Variants in DLC1 observed in about 807,000 individuals in gnomAD.
The protein encoded by DLC1 is rho GTPase-activating protein 7.
Under a neutral mutation model 140.3 loss-of-function variants are expected in DLC1, and 54 were observed. The ratio of observed to expected loss-of-function variants is 0.38; its 90% CI spans 0.31 to 0.48. The LOEUF (loss-of-function observed/expected upper bound fraction) is 0.48, where lower values mean the gene tolerates loss of function less well. Among genes scored for constraint, DLC1 ranks in the 20% least tolerant of loss-of-function variants. The pLI, the probability that DLC1 is intolerant of heterozygous loss-of-function variation, is 0.96. For synonymous variants in DLC1, 986 were observed against 728.1 expected (o/e 1.35, Z -5.70); for missense variants, 2,536 against 1,907.0 (o/e 1.33, Z -6.14).
At chr8:13,582,319 C>G (rs1049332598) in intron 1 of DLC1, among the ~76,000 whole-genome samples, 1 of 152,136 alleles carries the variant, frequency 6.6e-6, no homozygotes, top group Non-Finnish European at 1.5e-5. Context: ...ATGGTTAATA[C>G]TAAATGTCAA....
chr8:13,231,299 T>A (rs2117200423), intron 5 of DLC1, among the ~76,000 whole-genome samples: 1 of 152,304 alleles, frequency 6.6e-6, no homozygotes, highest in East Asian at 1.9e-4. Context: ...AATGTTTTCA[T>A]GTGTCACCAA....
chr8:13,129,450 T>C (rs1440656506), intron 5 of DLC1, among the ~76,000 whole-genome samples: 3 of 152,256 alleles, frequency 2.0e-5, no homozygotes, highest in East Asian at 1.9e-4. Context: ...ACGTATTTTT[T>C]AGTGTCTTGA....
chr8:13,349,935 C>T (rs750139907), intron 4 of DLC1, among the ~76,000 whole-genome samples: 2 of 152,188 alleles, frequency 1.3e-5, no homozygotes, highest in Admixed American at 6.5e-5. Flanking sequence ...CTCTCTTTTT[C>T]CTCCGACTTC....
At chr8:13,286,287 C>T (rs775913903) in intron 5 of DLC1, among the ~76,000 whole-genome samples, 2 of 151,804 alleles carry the variant, frequency 1.3e-5, no homozygotes, top group Non-Finnish European at 2.9e-5. Flanking sequence ...TTTTCTACCA[C>T]CAGAGAAAAA....
intron 2 of DLC1, among the ~76,000 whole-genome samples, chr8:13,447,722 T>G (rs1014308319): frequency 1.3e-5 from 2 of 152,206 alleles, no homozygotes; most frequent in African/African-American, 4.8e-5. Context: ...AAAACATTTT[T>G]CTAATATTTG....
At chr8:13,512,998 C>A (rs1802445958) in intron 1 of DLC1, among the ~76,000 whole-genome samples, 1 of 142,690 alleles carries the variant, frequency 7.0e-6, no homozygotes. Context: ...ATTAGAGGAA[C>A]TGCAAATTTC....
At chr8:13,104,377 T>C (rs998924212) in intron 7 of DLC1, among the ~76,000 whole-genome samples, 5 of 148,008 alleles carry the variant, frequency 3.4e-5, no homozygotes, top group South Asian at 2.1e-4. Flanking sequence ...CAAAACCTCA[T>C]GGAGAAATAA....
chr8:13,479,885 AAGAAAAAG>A (rs1221021958), intron 2 of DLC1, among the ~76,000 whole-genome samples: 1 of 114,230 alleles, frequency 8.8e-6, no homozygotes, highest in Non-Finnish European at 2.0e-5. Context: ...GAAAGAAAGA[AAGAAAAAG>A]AAAGAAAGAA....
chr8:13,281,621 C>G (rs1181035873), intron 5 of DLC1, among the ~76,000 whole-genome samples: 2 of 152,098 alleles, frequency 1.3e-5, no homozygotes, highest in Non-Finnish European at 2.9e-5. Flanking sequence ...GCCTGGTGAT[C>G]AAGGTTCAGA....
At chr8:13,467,501 C>T (rs945097706) in intron 2 of DLC1, among the ~76,000 whole-genome samples, 1 of 151,618 alleles carries the variant, frequency 6.6e-6, no homozygotes, top group Non-Finnish European at 1.5e-5. Context: ...GTGGCTCACA[C>T]CTGTAATCCT....
rs546648938 is a variant in DLC1, at chr8:13,100,675, A to G, written c.1662T>C (p.Asp554=). ...SKRWSRLEEF[D]VFSPKQDLVP... ...CCAGGTCTTGTTTTGGAGAAAAGACATCAAACTCTTCAAGCCGGGACCACC... is the reference window on the plus strand; with the variant it reads ...CCAGGTCTTGTTTTGGAGAAAAGACGTCAAACTCTTCAAGCCGGGACCACC... Residue 554 remains aspartate, a synonymous_variant, in exon 9 of 18, where the codon GAT becomes GAC. Transcript: ENST00000276297. 10 of 1,613,938 alleles carry G rather than the reference A, an allele frequency of 6.2e-6. No homozygotes were observed. In the East Asian group the frequency reaches 2.0e-4, roughly 32 times the overall value.
At chr8:13,271,399 A>C (rs185568705) in intron 5 of DLC1, among the ~76,000 whole-genome samples, 26 of 152,312 alleles carry the variant, frequency 1.7e-4, no homozygotes, top group African/African-American at 6.3e-4. Context: ...AGAATTCCCA[A>C]TGCCCCACTG....
chr8:13,310,359 T>C (rs1832626361), intron 4 of DLC1, among the ~76,000 whole-genome samples: 1 of 152,216 alleles, frequency 6.6e-6, no homozygotes, highest in Admixed American at 6.5e-5. Flanking sequence ...CAGAGTAATT[T>C]ACTCCTTTCC....
intron 2 of DLC1, among the ~76,000 whole-genome samples, chr8:13,494,904 T>A (rs1369731449): frequency 6.6e-6 from 1 of 151,998 alleles, no homozygotes; most frequent in Admixed American, 6.6e-5. Flanking sequence ...TGGGCGGAGA[T>A]CACACCCCTG....
intron 5 of DLC1, among the ~76,000 whole-genome samples, chr8:13,163,838 A>G (rs959497155): frequency 2.0e-5 from 3 of 151,936 alleles, no homozygotes; most frequent in Admixed American, 6.6e-5. Context: ...CACCAAAACA[A>G]CAACAGAATA....
In DLC1 at chr8:13,353,684, C is replaced by G. The variant is rs560138388; in HGVS notation, c.1314+39869G>C. Among the ~76,000 whole-genome samples the G allele has an allele frequency of 4.6e-5, 7 of 152,162 alleles. No homozygotes were observed. In the East Asian group the frequency reaches 9.7e-4, roughly 21 times the overall value. On this transcript the variant is annotated intron_variant, in intron 4 of 17. Transcript: ENST00000276297. ...CCAGCCTGGCCAACATGGTGAAACC[C>G]TGTCTCTAATTAAAATATAAAAGTT... is the stretch of plus-strand genomic sequence containing the variant.
At chr8:13,202,982 C>T (rs1241994742) in intron 5 of DLC1, among the ~76,000 whole-genome samples, 2 of 152,156 alleles carry the variant, frequency 1.3e-5, no homozygotes, top group Admixed American at 6.5e-5. Context: ...CCTTGTAACA[C>T]ATCTTATTTC....
chr8:13,156,137 T>C (rs1192887606), intron 5 of DLC1, among the ~76,000 whole-genome samples: 2 of 152,178 alleles, frequency 1.3e-5, no homozygotes, highest in African/African-American at 2.4e-5. Flanking sequence ...AGATTAATAA[T>C]CTTTAAAATA....
intron 5 of DLC1, among the ~76,000 whole-genome samples, chr8:13,281,972 T>C (rs904067843): frequency 6.6e-6 from 1 of 152,196 alleles, no homozygotes; most frequent in Non-Finnish European, 1.5e-5. Flanking sequence ...GCATTTTGTT[T>C]TCTCATTTGC....
Sources: allele counts gnomAD v4.1 joint callset (sites outside exome capture counted in the v4.1 genomes callset), GRCh38; gene constraint gnomAD v4.1.1; transcripts MANE v1.5; gene names NCBI Gene and HGNC (gene_info 2026-07-23, HGNC 2026-07-21).